WWOX: variants seen among roughly 807,000 people sequenced by gnomAD.
WWOX encodes the protein WW domain containing oxidoreductase.
Under a neutral mutation model 46.2 loss-of-function variants are expected in WWOX, and 69 were observed. The ratio of observed to expected loss-of-function variants is 1.49; its 90% CI spans 1.23 to 1.82. The LOEUF (loss-of-function observed/expected upper bound fraction) is 1.82. Ranked by LOEUF, WWOX falls within the 40% of genes most tolerant of loss-of-function variation. The pLI, the probability that WWOX is intolerant of heterozygous loss-of-function variation, is 0.00. For synonymous variants in WWOX, 359 were observed against 202.6 expected (o/e 1.77, Z -6.56); for missense variants, 919 against 542.6 (o/e 1.69, Z -6.89).
intron 8 of WWOX, among the ~76,000 whole-genome samples, chr16:78,763,758 C>T (rs1231749297): frequency 6.6e-6 from 1 of 152,166 alleles, no homozygotes; most frequent in Non-Finnish European, 1.5e-5. Flanking sequence ...TCTTTTCACC[C>T]ATCTCATGTT....
intron 8 of WWOX, among the ~76,000 whole-genome samples, chr16:79,021,849 A>C (rs946383903): frequency 6.6e-5 from 10 of 152,182 alleles, no homozygotes; most frequent in African/African-American, 2.4e-4. Context: ...ACACATACAC[A>C]CAAAAAGTGC....
intron 6 of WWOX, among the ~76,000 whole-genome samples, chr16:78,418,483 GCAGA>G (rs1567560610): frequency 2.6e-5 from 4 of 151,946 alleles, no homozygotes; most frequent in South Asian, 4.2e-4. Context: ...GACAACAGAG[GCAGA>G]CAAAGATATC....
intron 8 of WWOX, among the ~76,000 whole-genome samples, chr16:78,788,275 T>A (rs1463976224): frequency 6.6e-6 from 1 of 152,242 alleles, no homozygotes; most frequent in Non-Finnish European, 1.5e-5. Flanking sequence ...ATAGGGTTCC[T>A]GGCTCATAAC....
chr16:79,175,715 C>T (rs1364993083), intron 8 of WWOX, among the ~76,000 whole-genome samples: 1 of 152,150 alleles, frequency 6.6e-6, no homozygotes. Context: ...TGTGTCCTGG[C>T]ACCGATGTTT....
At chr16:78,828,621 A>T (rs530239410) in intron 8 of WWOX, among the ~76,000 whole-genome samples, 1 of 152,150 alleles carries the variant, frequency 6.6e-6, no homozygotes, top group Non-Finnish European at 1.5e-5. Flanking sequence ...CCTAATAATA[A>T]ACGTGATATA....
At chr16:78,879,932 T>C (rs775828486) in intron 8 of WWOX, among the ~76,000 whole-genome samples, 98 of 151,728 alleles carry the variant, frequency 6.5e-4, no homozygotes, top group Non-Finnish European at 1.1e-3. Context: ...ATCTCTAGGG[T>C]CTCTGGTATT....
At chr16:79,005,195 G>C (rs1266843205) in intron 8 of WWOX, among the ~76,000 whole-genome samples, 1 of 152,082 alleles carries the variant, frequency 6.6e-6, no homozygotes, top group Non-Finnish European at 1.5e-5. Context: ...ATGTTTGCCT[G>C]TGGACCTCAG....
At chr16:78,160,152 A>G (rs180967870) in intron 4 of WWOX, among the ~76,000 whole-genome samples, 67 of 151,392 alleles carry the variant, frequency 4.4e-4, no homozygotes, top group African/African-American at 1.6e-3. Flanking sequence ...GGATGCTTAG[A>G]TCATCTTGGA....
At chr16:78,742,916 C>A (rs2049264513) in intron 8 of WWOX, among the ~76,000 whole-genome samples, 2 of 152,172 alleles carry the variant, frequency 1.3e-5, no homozygotes, top group South Asian at 4.2e-4. Context: ...CCTGGGCCTC[C>A]CAAAAAGAGG....
intron 5 of WWOX, among the ~76,000 whole-genome samples, chr16:78,212,675 G>C (rs1043168478): frequency 6.6e-6 from 1 of 152,278 alleles, no homozygotes; most frequent in South Asian, 2.1e-4. Flanking sequence ...CAAAAAGGAC[G>C]CAAGATTTAG....
chr16:78,695,126 C>G (rs2048071623), intron 8 of WWOX, among the ~76,000 whole-genome samples: 1 of 152,092 alleles, frequency 6.6e-6, no homozygotes, highest in South Asian at 2.1e-4. Context: ...ATTACAGGCA[C>G]AAAGGTTTCA....
chr16:78,182,349 G>C (rs2035556690), intron 5 of WWOX, among the ~76,000 whole-genome samples: 1 of 152,060 alleles, frequency 6.6e-6, no homozygotes, highest in Admixed American at 6.5e-5. Context: ...CTAGGCTCCT[G>C]TCTGGCCATT....
At chr16:78,533,768 T>A (rs1345836733) in intron 8 of WWOX, among the ~76,000 whole-genome samples, 1 of 152,176 alleles carries the variant, frequency 6.6e-6, no homozygotes, top group Admixed American at 6.5e-5. Context: ...TGTTGAGGGA[T>A]GAAGTTGTAG....
intron 8 of WWOX, among the ~76,000 whole-genome samples, chr16:79,097,778 C>T (rs925881027): frequency 2.6e-5 from 4 of 152,136 alleles, no homozygotes; most frequent in Non-Finnish European, 5.9e-5. Context: ...AAGAGAGTAG[C>T]GGGGCTGAGA....
chr16:78,540,453 C>T (rs2043865163), intron 8 of WWOX, among the ~76,000 whole-genome samples: 1 of 152,088 alleles, frequency 6.6e-6, no homozygotes, highest in Admixed American at 6.5e-5. Flanking sequence ...TTCTCATGGG[C>T]ATTACTAGTA....
chr16:78,958,589 T>G lies in WWOX; in HGVS notation c.1057-253019T>G, dbSNP rs566690815. Among the ~76,000 whole-genome samples the G allele has an allele frequency of 6.6e-5, 10 of 152,352 alleles. No homozygotes were observed. The South Asian group carries it at 2.1e-3, about 32-fold the overall frequency. On this transcript the variant is annotated intron_variant, in intron 8 of 8. Transcript: ENST00000566780. Reference sequence around the variant, plus strand: ...TAAGCTGAACAGTGTTTTTTAACAGTGCTGCCCCTCTCTCCCACTAGAAAT... The same window carrying G: ...TAAGCTGAACAGTGTTTTTTAACAGGGCTGCCCCTCTCTCCCACTAGAAAT...
intron 8 of WWOX, among the ~76,000 whole-genome samples, chr16:79,075,688 G>A (rs2048642672): frequency 6.6e-6 from 1 of 151,972 alleles, no homozygotes. Flanking sequence ...GAGTAGCTGG[G>A]ACTATAGGTG....
At chr16:78,651,524 A>G (rs1003894237) in intron 8 of WWOX, among the ~76,000 whole-genome samples, 2 of 152,180 alleles carry the variant, frequency 1.3e-5, no homozygotes, top group African/African-American at 2.4e-5. Context: ...GCCAGAGTCT[A>G]TCCTTGATGC....
chr16:79,053,000 A>G (rs1331451960), intron 8 of WWOX, among the ~76,000 whole-genome samples: 6 of 151,790 alleles, frequency 4.0e-5, no homozygotes, highest in Non-Finnish European at 8.8e-5. Flanking sequence ...GGAGGGTCAG[A>G]GAGGTGGCAA....
Sources: gnomAD v4.1 joint callset for allele counts (sites outside exome capture counted in the v4.1 genomes callset) on GRCh38, gnomAD v4.1.1 for gene constraint, MANE v1.5 for transcripts, NCBI Gene and HGNC (gene_info 2026-07-23, HGNC 2026-07-21) for gene names.